The following PARD3B variants were observed in gnomAD, a reference collection of about 807,000 sequenced individuals.
PARD3B encodes partitioning defective 3 homolog B.
Under a neutral mutation model 130.2 loss-of-function variants are expected in PARD3B, and 103 were observed. The ratio of observed to expected loss-of-function variants is 0.79; its 90% confidence interval spans 0.67 to 0.93. The LOEUF is 0.93. Ranked by LOEUF, PARD3B falls within the 40% of genes least tolerant of loss-of-function variation. The pLI is 0.00. For missense variants in PARD3B, 1,609 were observed against 1,499.2 expected (o/e 1.07, Z -1.21); for synonymous variants, 583 against 553.2 (o/e 1.05, Z -0.76).
chr2:205,292,695 C>A lies in PARD3B; in HGVS notation c.2186-7835C>A. On this transcript the variant is annotated intron_variant, in intron 16 of 22. Coordinates refer to ENST00000406610, the MANE Select transcript of PARD3B (RefSeq NM_001302769.2). The surrounding 1 kb of genome is among the most constrained non-coding windows in gnomAD (Gnocchi z 5.3). ...AAGTTATTTTATCCTGCCCATCCTC[C>A]CACCTTTTTTTCTAGTTTTCTCTCA... is the stretch of plus-strand genomic sequence containing the variant. Among the ~76,000 whole-genome samples the A allele has an allele frequency of 6.6e-6, 1 of 152,122 alleles. No individual in the cohort carries two copies. The highest frequency in any genetic ancestry group is 6.5e-5 in the Admixed American group (1 of 15,276).
intron 1 of PARD3B, among the ~76,000 whole-genome samples, chr2:204,661,691 A>G (rs2035813016): frequency 6.6e-6 from 1 of 152,214 alleles, no homozygotes; most frequent in African/African-American, 2.4e-5. Flanking sequence ...TATTTAACAA[A>G]TTTATTTAAA....
intron 2 of PARD3B, among the ~76,000 whole-genome samples, chr2:204,751,207 G>A (rs1374025400): frequency 1.3e-5 from 2 of 152,122 alleles, no homozygotes; most frequent in Middle Eastern, 3.2e-3. Flanking sequence ...GCTAATCAAC[G>A]TTGCAGAAGT....
At chr2:204,599,820 C>G (rs537472637) in intron 1 of PARD3B, among the ~76,000 whole-genome samples, 1 of 151,838 alleles carries the variant, frequency 6.6e-6, no homozygotes, top group Non-Finnish European at 1.5e-5. Context: ...TATAAGTGTT[C>G]CTGTTTCTCT....
rs371118541 is a variant in PARD3B, at chr2:205,241,665, A to G, written c.2141-4113A>G. Reference sequence around the variant, plus strand: ...AGAAACTTAGACTCTTGCTCCATCAACACTCTCTTACTCAATGCTTTTAAT... The same window carrying G: ...AGAAACTTAGACTCTTGCTCCATCAGCACTCTCTTACTCAATGCTTTTAAT... On this transcript the variant is annotated intron_variant, in intron 15 of 22. Transcript: ENST00000406610. This position sits in a 1 kb window ranked among gnomAD's most constrained non-coding sequence, Gnocchi z 4.2. Among the ~76,000 whole-genome samples, 1 of 152,170 alleles carries G rather than the reference A, an allele frequency of 6.6e-6. No homozygotes were observed. The highest frequency in any genetic ancestry group is 2.1e-4 in the South Asian group (1 of 4,828).
intron 19 of PARD3B, among the ~76,000 whole-genome samples, chr2:205,430,590 G>A (rs1247412344): frequency 1.3e-5 from 2 of 152,214 alleles, no homozygotes; most frequent in Non-Finnish European, 2.9e-5. Flanking sequence ...CTATTGGAAA[G>A]CACTGCTCTA....
intron 3 of PARD3B, among the ~76,000 whole-genome samples, chr2:204,998,834 C>T (rs956658996): frequency 3.7e-4 from 57 of 152,100 alleles, no homozygotes; most frequent in Admixed American, 3.7e-3. Flanking sequence ...CTGCCTCAGC[C>T]TCCCGAGTAG....
At chr2:204,912,599 C>T (rs1024246205) in intron 2 of PARD3B, among the ~76,000 whole-genome samples, 1 of 152,126 alleles carries the variant, frequency 6.6e-6, no homozygotes, top group Non-Finnish European at 1.5e-5. Flanking sequence ...GAAATATGCT[C>T]ATTAAGAACA....
chr2:205,036,823 C>G (rs907330493), intron 3 of PARD3B, among the ~76,000 whole-genome samples: 1 of 150,696 alleles, frequency 6.6e-6, no homozygotes, highest in Non-Finnish European at 1.5e-5. Context: ...ATATACACAA[C>G]GGACTGTATG....
At position 205,265,839 on chromosome 2, in the gene PARD3B, G is replaced by A. The variant is rs892967338; in HGVS notation, c.2185+20017G>A. On this transcript the variant is annotated intron_variant, in intron 16 of 22. Coordinates refer to ENST00000406610, the MANE Select transcript of PARD3B (RefSeq NM_001302769.2). The surrounding 1 kb of genome is among the most constrained non-coding windows in gnomAD (Gnocchi z 4.3). ...CAAATACATATTTTTAAATTAAATG[G>A]GCTATCAAGTAGAGTTTAGAAATCT... Among the ~76,000 whole-genome samples the A allele has an allele frequency of 6.6e-5, 10 of 151,812 alleles. No individual in the cohort carries two copies. The highest frequency in any genetic ancestry group is 1.9e-4 in the African/African-American group (8 of 41,368).
intron 22 of PARD3B, among the ~76,000 whole-genome samples, chr2:205,580,153 A>C (rs1016183462): frequency 6.6e-6 from 1 of 152,202 alleles, no homozygotes; most frequent in Admixed American, 6.5e-5. Flanking sequence ...GTGAACTTTT[A>C]CCAATTAGAA....
Position 205,341,216 on chromosome 2 carries a change from C to T in PARD3B, c.2630+39515C>T, listed in dbSNP as rs770182513. On this transcript the variant is annotated intron_variant, in intron 18 of 22. Transcript: ENST00000406610. The surrounding 1 kb of genome is among the most constrained non-coding windows in gnomAD (Gnocchi z 4.3). ...AAATCTATATTAAAATTAGGACTGC[C>T]ATGCAATCCAACAATCCCACTACTG... is the stretch of plus-strand genomic sequence containing the variant. 2.6e-5 allele frequency among the ~76,000 whole-genome samples: 4 copies of T among 152,024 alleles called. No homozygotes were observed. The highest frequency in any genetic ancestry group is 5.9e-5 in the Non-Finnish European group (4 of 67,980).
chr2:204,867,515 G>C (rs1400379225), intron 2 of PARD3B, among the ~76,000 whole-genome samples: 1 of 152,008 alleles, frequency 6.6e-6, no homozygotes, highest in Non-Finnish European at 1.5e-5. Flanking sequence ...ATGCTTAATG[G>C]GCTGTATATA....
At chr2:204,998,358 A>ATATATATATATATATATATATATATATG (rs1400529301) in intron 3 of PARD3B, among the ~76,000 whole-genome samples, 1 of 69,874 alleles carries the variant, frequency 1.4e-5, no homozygotes, top group Non-Finnish European at 2.6e-5. Context: ...ATATATATAT[A>ATATATATATATATATATATATATATATG]TGTGTGTGTG....
rs188067867 is a variant in PARD3B at position 204,952,914 on chromosome 2, G to T, written c.223-12238G>T. ...CAAGAGGCTGATGCAGGAGAATGGC[G>T]TGAACCCAGGAGGTGGAGCTTGCAG... On this transcript the variant is annotated intron_variant, in intron 2 of 22. Coordinates refer to ENST00000406610, the MANE Select transcript of PARD3B (RefSeq NM_001302769.2). Among the ~76,000 whole-genome samples, 1,092 of 150,974 alleles carry T rather than the reference G, an allele frequency of 7.2e-3. 15 individuals are homozygous for T. The highest frequency in any genetic ancestry group is 0.024 in the African/African-American group (980 of 41,062).
rs1027544244 is a variant in PARD3B, at chr2:205,258,121, A to G, written c.2185+12299A>G. Among the ~76,000 whole-genome samples the G allele has an allele frequency of 3.9e-5, 6 of 152,182 alleles. No individual in the cohort carries two copies. The highest frequency in any genetic ancestry group is 1.2e-4 in the African/African-American group (5 of 41,436). ...AGAGAAACATAACAGATGCAATGGT[A>G]CACTTCCATGTGGGCCTGGAAAGCC... is the stretch of plus-strand genomic sequence containing the variant. On this transcript the variant is annotated intron_variant, in intron 16 of 22. Coordinates refer to ENST00000406610, the MANE Select transcript of PARD3B (RefSeq NM_001302769.2). This position sits in a 1 kb window ranked among gnomAD's most constrained non-coding sequence, Gnocchi z 4.9.
In PARD3B at chr2:205,049,784, G is replaced by A. The variant is rs150249013; in HGVS notation, c.504+2094G>A. On this transcript the variant is annotated intron_variant, in intron 4 of 22. Coordinates refer to ENST00000406610, the MANE Select transcript of PARD3B (RefSeq NM_001302769.2). ...ATAAATGCTGGCGCCCAAAATCCTT[G>A]TGCCTTACTTATGCAAGTGATCAAA... Among the ~76,000 whole-genome samples, 11 of 152,274 alleles carry A rather than the reference G, an allele frequency of 7.2e-5. No individual in the cohort carries two copies. In the East Asian group the frequency reaches 1.4e-3, roughly 19 times the overall value.
chr2:204,971,134 G>T (rs1328248101), intron 3 of PARD3B, among the ~76,000 whole-genome samples: 1 of 152,120 alleles, frequency 6.6e-6, no homozygotes, highest in African/African-American at 2.4e-5. Flanking sequence ...ACTGCATAAA[G>T]GAAACATATG....
At chr2:205,217,836 GTGTGTATA>G (rs1313903013) in intron 15 of PARD3B, among the ~76,000 whole-genome samples, 5 of 46,578 alleles carry the variant, frequency 1.1e-4, no homozygotes, top group Admixed American at 2.7e-4. Flanking sequence ...GTGTATATAT[GTGTGTATA>G]TGTGTGTGTG....
At chr2:204,745,961 T>C (rs1166730763) in intron 2 of PARD3B, among the ~76,000 whole-genome samples, 2 of 151,426 alleles carry the variant, frequency 1.3e-5, no homozygotes, top group African/African-American at 4.8e-5. Context: ...CAAAAACATG[T>C]AATATAGCAG....
Sources: gnomAD v4.1 joint callset for allele counts (sites outside exome capture counted in the v4.1 genomes callset) on GRCh38, gnomAD v4.1.1 for gene constraint, Gnocchi (gnomAD v3.1) non-coding constraint, MANE v1.5 for transcripts, NCBI Gene and HGNC (gene_info 2026-07-23, HGNC 2026-07-21) for gene names.